The following ATF7IP variants were observed in gnomAD, a reference collection of about 807,000 sequenced individuals.
ATF7IP encodes activating transcription factor 7 interacting protein.
In ATF7IP, 23 loss-of-function variants were observed where a neutral mutation model predicts 106.4. The ratio of observed to expected loss-of-function variants is 0.22; its 90% confidence interval spans 0.16 to 0.31. The LOEUF is 0.31. Ranked by LOEUF, ATF7IP falls within the 10% of genes least tolerant of loss-of-function variation. ATF7IP has a pLI of 1.00. For missense variants in ATF7IP, 1,334 were observed against 1,524.3 expected (o/e 0.88, Z 2.08); for synonymous variants, 542 against 539.0 (o/e 1.01, Z -0.08).
chr12:14,398,250 G>C (rs1486936572), intron 1 of ATF7IP, among the ~76,000 whole-genome samples: 1 of 151,668 alleles, frequency 6.6e-6, no homozygotes, highest in Non-Finnish European at 1.5e-5. Context: ...TAATGTTTTT[G>C]AGTTTGTGTT....
intron 1 of ATF7IP, among the ~76,000 whole-genome samples, chr12:14,401,067 A>C (rs1036183172): frequency 6.6e-6 from 1 of 151,998 alleles, no homozygotes; most frequent in Non-Finnish European, 1.5e-5. Flanking sequence ...GGTTACTTGT[A>C]GTACTTTCTG....
chr12:14,496,079 G>A, intron 13 of ATF7IP, 152 bp from the exon 14 acceptor site: 1 of 544,672 alleles, frequency 1.8e-6, no homozygotes, highest in Non-Finnish European at 3.3e-6. Context: ...TTGATAGCTT[G>A]GCTGAATACG....
intron 1 of ATF7IP, 23 bp from the exon 2 acceptor site, chr12:14,423,886 T>G (rs959803965): frequency 6.5e-7 from 1 of 1,544,660 alleles, no homozygotes; most frequent in Non-Finnish European, 8.7e-7. Context: ...GTTATTAAAC[T>G]CTCTTTCTCT....
At chr12:14,431,338 A>G (rs1305509676) in intron 2 of ATF7IP, among the ~76,000 whole-genome samples, 1 of 152,088 alleles carries the variant, frequency 6.6e-6, no homozygotes, top group African/African-American at 2.4e-5. Context: ...CCTCAAGAAA[A>G]TCAAAGGAAT....
At chr12:14,452,992 G>A (rs1943266179) in intron 6 of ATF7IP, among the ~76,000 whole-genome samples, 1 of 151,974 alleles carries the variant, frequency 6.6e-6, no homozygotes, top group Non-Finnish European at 1.5e-5. Flanking sequence ...TTCTTGATTG[G>A]CAGGTCTTTG....
intron 1 of ATF7IP, among the ~76,000 whole-genome samples, chr12:14,373,257 A>G (rs1938600609): frequency 6.6e-6 from 1 of 152,188 alleles, no homozygotes; most frequent in East Asian, 1.9e-4. Flanking sequence ...AGTAAAAACT[A>G]AGCTGCCACA....
chr12:14,407,132 G>A (rs961544670), intron 1 of ATF7IP, among the ~76,000 whole-genome samples: 9 of 152,030 alleles, frequency 5.9e-5, no homozygotes, highest in African/African-American at 1.7e-4. Flanking sequence ...TTAGGCTTTC[G>A]TAGTGTCAAA....
At chr12:14,447,852 G>T (rs1196513254) in intron 6 of ATF7IP, among the ~76,000 whole-genome samples, 1 of 152,038 alleles carries the variant, frequency 6.6e-6, no homozygotes, top group Non-Finnish European at 1.5e-5. Flanking sequence ...TAAACAGTTT[G>T]AATATTTTTT....
chr12:14,469,268 G>T (rs1291954496), intron 10 of ATF7IP, among the ~76,000 whole-genome samples: 1 of 151,366 alleles, frequency 6.6e-6, no homozygotes, highest in Non-Finnish European at 1.5e-5. Flanking sequence ...GCTGAGGCAG[G>T]AGGATCACTT....
rs552256751 is a variant in ATF7IP, at chr12:14,464,911, G to A, written c.2798-1615G>A. Among the ~76,000 whole-genome samples, 11 of 152,220 alleles carry A rather than the reference G, an allele frequency of 7.2e-5. No homozygotes were observed. In the South Asian group the frequency reaches 2.1e-3, roughly 29 times the overall value. ...TTTAGGAATTTTCTTATATGAAAAT[G>A]TTATGACAAAAAATAAAAATGAGGC... is the stretch of plus-strand genomic sequence containing the variant. On this transcript the variant is annotated intron_variant, in intron 9 of 14. Transcript: ENST00000261168.
At chr12:14,464,579 G>T (rs1000804149) in intron 9 of ATF7IP, among the ~76,000 whole-genome samples, 15 of 152,098 alleles carry the variant, frequency 9.9e-5, no homozygotes, top group African/African-American at 3.6e-4. Flanking sequence ...TTTACATCCT[G>T]ACCAGTTTTG....
intron 1 of ATF7IP, among the ~76,000 whole-genome samples, chr12:14,398,193 C>A (rs1435780260): frequency 1.3e-5 from 2 of 151,654 alleles, no homozygotes; most frequent in East Asian, 3.9e-4. Flanking sequence ...TAATTTTCTG[C>A]TTTTATTGTA....
Position 14,425,071 on chromosome 12 carries a change from A to C in ATF7IP, c.1156A>C (p.Ile386Leu), listed in dbSNP as rs749516189. Residue 386 changes from isoleucine (I) to leucine (L), a missense_variant, in exon 2 of 15, where the codon ATA (isoleucine) becomes CTA (leucine). This residue lies in a region of ATF7IP where 438 missense variants were observed against 405.3 expected (regional missense o/e 1.08). Coordinates refer to ENST00000261168, the MANE Select transcript of ATF7IP (RefSeq NM_018179.5). ...ITELALGEDA[I>L]SSSMEIDQGE... The stretch of plus-strand genomic sequence containing the variant: ...AGAGCTTGCTCTTGGAGAAGATGCT[A>C]TATCTAGCAGTATGGAAATTGACCA... 2.5e-6 allele frequency: 4 copies of C among 1,600,698 alleles called. No individual in the cohort carries two copies. The highest frequency in any genetic ancestry group is 3.4e-6 in the Non-Finnish European group (4 of 1,176,492).
At chr12:14,377,645 G>C (rs577146412) in intron 1 of ATF7IP, among the ~76,000 whole-genome samples, 1 of 150,586 alleles carries the variant, frequency 6.6e-6, no homozygotes, top group East Asian at 1.9e-4. Flanking sequence ...ACAGAGTCTC[G>C]CTCTGTCACC....
At chr12:14,458,127 AATAG>A (rs1943502550) in intron 8 of ATF7IP, among the ~76,000 whole-genome samples, 1 of 151,828 alleles carries the variant, frequency 6.6e-6, no homozygotes, top group Admixed American at 6.6e-5. Flanking sequence ...TAAATATAAA[AATAG>A]ATAAAGTAAT....
intron 1 of ATF7IP, chr12:14,367,414 C>G (rs914688551): frequency 2.0e-5 from 3 of 152,020 alleles, no homozygotes; most frequent in African/African-American, 7.2e-5. Flanking sequence ...TCTTGGATCT[C>G]TGAGGTCTTC....
Position 14,494,325 on chromosome 12 carries a change from ATATATATATG to A in ATF7IP, c.3281-1904_3281-1895del, listed in dbSNP as rs1352025056. Among the ~76,000 whole-genome samples the A allele has an allele frequency of 4.1e-4, 34 of 83,446 alleles. No individual in the cohort carries two copies. The East Asian group carries it at 4.6e-3, about 11-fold the overall frequency. The allele number at this position is 83,446 out of a possible 152,430, so 54.7% of individuals were successfully genotyped here. ...TATATATATATATATATATATATAT[ATATATATATG>A]TGTGTGTGTATATGTATATATACAC... On this transcript the variant is annotated intron_variant, in intron 13 of 14. Coordinates refer to ENST00000261168, the MANE Select transcript of ATF7IP (RefSeq NM_018179.5).
At chr12:14,474,839 T>C (rs1317063517) in intron 10 of ATF7IP, among the ~76,000 whole-genome samples, 1 of 152,222 alleles carries the variant, frequency 6.6e-6, no homozygotes, top group Non-Finnish European at 1.5e-5. Context: ...AATGATAATA[T>C]GTTGTAGTGA....
At chr12:14,483,562 C>T (rs1360195490) in intron 13 of ATF7IP, among the ~76,000 whole-genome samples, 3 of 152,080 alleles carry the variant, frequency 2.0e-5, no homozygotes, top group South Asian at 2.1e-4. Flanking sequence ...AAAGTAATGT[C>T]GCAGGAACAG....
Sources: gnomAD v4.1 joint callset for allele counts (sites outside exome capture counted in the v4.1 genomes callset) on GRCh38, gnomAD v4.1.1 for gene constraint, gnomAD v4.1.1 regional missense constraint, MANE v1.5 for transcripts, NCBI Gene and HGNC (gene_info 2026-07-23, HGNC 2026-07-21) for gene names.